THUMPD3: variants seen among roughly 807,000 people sequenced by gnomAD.
THUMPD3 encodes THUMP domain 3 tRNA guanosine methyltransferase.
Under a neutral mutation model 54.5 loss-of-function variants are expected in THUMPD3, and 44 were observed. The observed-to-expected ratio is 0.81, with a 90% CI of 0.63 to 1.04. The LOEUF is 1.04. Among genes scored for constraint, THUMPD3 ranks in the 50% least tolerant of loss-of-function variants. The pLI, the probability that THUMPD3 is intolerant of heterozygous loss-of-function variation, is 0.00. For missense variants in THUMPD3, 604 were observed against 601.3 expected (o/e 1.00, Z -0.05); for synonymous variants, 196 against 201.4 (o/e 0.97, Z 0.23).
intron 5 of THUMPD3, 52 bp from the exon 6 acceptor site, chr3:9,377,766 AG>A (rs2032577181): frequency 3.6e-6 from 5 of 1,404,142 alleles, no homozygotes; most frequent in Non-Finnish European, 4.0e-6. Flanking sequence ...TCATCAGTAT[AG>A]AAGCCTCAGC....
intron 5 of THUMPD3, among the ~76,000 whole-genome samples, chr3:9,376,875 C>T (rs1202155738): frequency 6.6e-6 from 1 of 152,092 alleles, no homozygotes; most frequent in Non-Finnish European, 1.5e-5. Context: ...CATCAGCTTA[C>T]CTTTAAAATG....
At chr3:9,379,179 A>G (rs2032689249) in intron 6 of THUMPD3, among the ~76,000 whole-genome samples, 1 of 152,020 alleles carries the variant, frequency 6.6e-6, no homozygotes, top group Non-Finnish European at 1.5e-5. Context: ...ATAAAACCCA[A>G]TTCTTTCCAA....
At chr3:9,381,990 A>G (rs536171476) in intron 7 of THUMPD3, among the ~76,000 whole-genome samples, 2 of 151,104 alleles carry the variant, frequency 1.3e-5, no homozygotes, top group African/African-American at 2.4e-5. Context: ...TCACCATGTT[A>G]GCCAGGATGG....
chr3:9,365,187 T>A lies in THUMPD3; in HGVS notation c.119T>A (p.Ile40Asn). 6.2e-7 allele frequency: 1 copy of A among 1,614,194 alleles called. No individual in the cohort carries two copies. The highest frequency in any genetic ancestry group is 1.1e-5 in the South Asian group (1 of 91,090). The change falls in exon 2 of 10, where the codon ATT becomes AAT. Residue 40 changes from isoleucine (I) to asparagine (N), a missense_variant. By Grantham distance (149) the Ile-to-Asn change is moderately radical. Transcript: ENST00000452837. ...AGTGAATCTGAGCTTCTAGTCACTATTGGAGCCACTGTACCTACTGGCTTT... is the reference window on the plus strand; with the variant it reads ...AGTGAATCTGAGCTTCTAGTCACTAATGGAGCCACTGTACCTACTGGCTTT... ...LGSESELLVT[I>N]GATVPTGFEQ... is the part of the protein sequence containing the mutation.
intron 8 of THUMPD3, 57 bp downstream of exon 8, chr3:9,383,366 T>A: frequency 7.3e-7 from 1 of 1,374,508 alleles, no homozygotes; most frequent in Non-Finnish European, 1.0e-6. Context: ...TCCTTGCGTT[T>A]ATTCTAAGTC....
At chr3:9,377,069 G>T (rs540557472) in intron 5 of THUMPD3, among the ~76,000 whole-genome samples, 114 of 152,146 alleles carry the variant, frequency 7.5e-4, no homozygotes, top group Middle Eastern at 3.4e-3. Flanking sequence ...AAATTCAGAA[G>T]GAAAGGAATA....
intron 7 of THUMPD3, among the ~76,000 whole-genome samples, chr3:9,381,498 T>C (rs1391134981): frequency 6.6e-6 from 1 of 152,176 alleles, no homozygotes; most frequent in Admixed American, 6.5e-5. Flanking sequence ...GCTGCTGGTC[T>C]ATGTATCAAC....
chr3:9,370,069 T>C (rs1223212162), intron 3 of THUMPD3, among the ~76,000 whole-genome samples: 1 of 152,220 alleles, frequency 6.6e-6, no homozygotes, highest in Non-Finnish European at 1.5e-5. Flanking sequence ...TTTTCCTTTA[T>C]TTTTCAGTTA....
At chr3:9,373,543 T>G (rs2032226144) in intron 4 of THUMPD3, among the ~76,000 whole-genome samples, 1 of 152,056 alleles carries the variant, frequency 6.6e-6, no homozygotes, top group Non-Finnish European at 1.5e-5. Flanking sequence ...TATCCTCATT[T>G]ATAAAGGGAA....
chr3:9,366,062 C>T (rs569554790), intron 2 of THUMPD3, among the ~76,000 whole-genome samples: 56 of 152,156 alleles, frequency 3.7e-4, no homozygotes, highest in African/African-American at 1.3e-3. Flanking sequence ...TTGAATTCAC[C>T]AGAAAGAATA....
At chr3:9,369,519 G>A (rs1227239974) in intron 3 of THUMPD3, among the ~76,000 whole-genome samples, 9 of 152,210 alleles carry the variant, frequency 5.9e-5, no homozygotes, top group Non-Finnish European at 1.2e-4. Context: ...AGCTACCTGT[G>A]TGGCATCATG....
In THUMPD3 at chr3:9,364,997, A is replaced by C; in HGVS notation, c.-53-19A>C. On this transcript the variant is annotated intron_variant, in intron 1 of 9. Coordinates refer to ENST00000452837, the MANE Select transcript of THUMPD3 (RefSeq NM_001114092.2). ...TATGAGATGATAATATTTGGGCTTTATTTCTTTTTCTTTTAAAGGACAGTA... is the reference window on the plus strand; with the variant it reads ...TATGAGATGATAATATTTGGGCTTTCTTTCTTTTTCTTTTAAAGGACAGTA... 1 of 1,534,144 alleles carries C rather than the reference A, an allele frequency of 6.5e-7. No individual in the cohort carries two copies. The highest frequency in any genetic ancestry group is 2.3e-5 in the East Asian group (1 of 44,020).
At chr3:9,372,007 C>G (rs2032083018) in intron 4 of THUMPD3, among the ~76,000 whole-genome samples, 1 of 152,134 alleles carries the variant, frequency 6.6e-6, no homozygotes, top group South Asian at 2.1e-4. Flanking sequence ...TCCCAAGTAG[C>G]TGGGGCTACA....
At chr3:9,380,861 C>G (rs1188129579) in intron 7 of THUMPD3, 2 of 299,866 alleles carry the variant, frequency 6.7e-6, no homozygotes, top group East Asian at 6.8e-5. Context: ...GTCTTTTCCC[C>G]TACATATTGG....
At chr3:9,371,661 A>G (rs2125316754) in intron 4 of THUMPD3, 125 bp downstream of exon 4, 1 of 837,704 alleles carries the variant, frequency 1.2e-6, no homozygotes, top group Non-Finnish European at 1.9e-6. Context: ...AGAAGAGCAT[A>G]GGCTATGGAG....
intron 6 of THUMPD3, among the ~76,000 whole-genome samples, chr3:9,379,796 C>A (rs977933901): frequency 1.3e-5 from 2 of 152,112 alleles, no homozygotes; most frequent in Non-Finnish European, 2.9e-5. Flanking sequence ...TGTCTTAAGC[C>A]ATTCTCCCAC....
chr3:9,376,608 A>C (rs1405150109), intron 5 of THUMPD3, among the ~76,000 whole-genome samples: 1 of 152,258 alleles, frequency 6.6e-6, no homozygotes, highest in Admixed American at 6.5e-5. Context: ...GACCAATGTT[A>C]CAATAAGAAC....
intron 7 of THUMPD3, among the ~76,000 whole-genome samples, chr3:9,381,554 A>G (rs1024890809): frequency 6.6e-6 from 1 of 151,780 alleles, no homozygotes; most frequent in Admixed American, 6.6e-5. Context: ...GGAAGGCTTC[A>G]ATTTTCTTAA....
intron 3 of THUMPD3, among the ~76,000 whole-genome samples, chr3:9,368,360 A>T (rs1246016827): frequency 1.2e-3 from 139 of 116,886 alleles, no homozygotes; most frequent in South Asian, 1.7e-3. Flanking sequence ...ACCCGCGCAT[A>T]TTTTTTTTTT....
Sources: allele counts gnomAD v4.1 joint callset (sites outside exome capture counted in the v4.1 genomes callset), GRCh38; gene constraint gnomAD v4.1.1; transcripts MANE v1.5; gene names NCBI Gene and HGNC (gene_info 2026-07-23, HGNC 2026-07-21).